Variants in ACTR3 observed in about 807,000 individuals in gnomAD.
The protein encoded by ACTR3 is actin-related protein 3.
In ACTR3, 12 loss-of-function variants were observed where a neutral mutation model predicts 56.8. The ratio of observed to expected loss-of-function variants is 0.21; its 90% CI spans 0.14 to 0.34. ACTR3 has a LOEUF of 0.34. Among genes scored for constraint, ACTR3 ranks in the 10% least tolerant of loss-of-function variants. The pLI is 1.00. For synonymous variants in ACTR3, 162 were observed against 167.4 expected (o/e 0.97, Z 0.25); for missense variants, 282 against 512.5 (o/e 0.55, Z 4.34).
intron 1 of ACTR3, chr2:113,890,538 G>T (rs1210278422): frequency 1.5e-6 from 2 of 1,376,546 alleles, no homozygotes; most frequent in South Asian, 1.6e-5. Flanking sequence ...GCGGGCCCGA[G>T]ATTCAACCCC....
chr2:113,898,801 A>G (rs1679052152), intron 1 of ACTR3, among the ~76,000 whole-genome samples: 2 of 152,202 alleles, frequency 1.3e-5, no homozygotes, highest in East Asian at 1.9e-4. Context: ...ATGTGTACCA[A>G]TCAGCCATTT....
chr2:113,959,262 A>G lies in ACTR3; in HGVS notation c.*1807A>G, dbSNP rs1173024823. The G allele has an allele frequency of 6.6e-6, 1 of 151,998 alleles. No homozygotes were observed. Among genetic ancestry groups the G allele is most frequent in the Admixed American group, 6.6e-5 (1 of 15,230 alleles). The allele number at this position is 151,998 out of a possible 1,614,324, so 9.4% of individuals were successfully genotyped here. On this transcript the variant is annotated 3_prime_UTR_variant, in exon 12 of 12. Coordinates refer to ENST00000263238, the MANE Select transcript of ACTR3 (RefSeq NM_005721.5). Reference sequence around the variant, plus strand: ...AAATGTAGCTTTCTTATTTTACACAAATAGGAACTTACTGTATATACTGTT... The same window carrying G: ...AAATGTAGCTTTCTTATTTTACACAGATAGGAACTTACTGTATATACTGTT...
At chr2:113,913,293 A>G in intron 2 of ACTR3, 66 bp downstream of exon 2, 17 of 1,211,292 alleles carry the variant, frequency 1.4e-5, no homozygotes, top group Non-Finnish European at 2.0e-5. Context: ...TAATTTAAGT[A>G]AAAGAAGTAA....
At chr2:113,917,061 T>G in intron 3 of ACTR3, 53 bp downstream of exon 3, 1 of 1,489,410 alleles carries the variant, frequency 6.7e-7, no homozygotes, top group South Asian at 1.3e-5. Flanking sequence ...GTTTGTTCGA[T>G]GCTTGTGCCC....
chr2:113,954,881 C>T (rs1404049414), intron 10 of ACTR3: 1 of 151,928 alleles, frequency 6.6e-6, no homozygotes, highest in Non-Finnish European at 1.5e-5. Flanking sequence ...GTGATTAGAG[C>T]TAGGGGTGTG....
At chr2:113,950,523 A>G (rs1680101313) in intron 8 of ACTR3, among the ~76,000 whole-genome samples, 1 of 152,190 alleles carries the variant, frequency 6.6e-6, no homozygotes. Flanking sequence ...CCATATTTTG[A>G]TTTGGGGAGT....
In ACTR3 at chr2:113,955,615, T is replaced by G; in HGVS notation, c.1078-8T>G. ...CTATGAAGATGATCATACTATGTCT[T>G]TCTTTAGCCAAAACCTATTGATGTA... is the stretch of plus-strand genomic sequence containing the variant. On this transcript the variant is annotated splice_polypyrimidine_tract_variant and splice_region_variant and intron_variant, in intron 10 of 11. Coordinates refer to ENST00000263238, the MANE Select transcript of ACTR3 (RefSeq NM_005721.5). 1 of 1,605,048 alleles carries G rather than the reference T, an allele frequency of 6.2e-7. No individual in the cohort carries two copies. Among genetic ancestry groups the G allele is most frequent in the Non-Finnish European group, 8.5e-7 (1 of 1,173,790 alleles).
intron 3 of ACTR3, among the ~76,000 whole-genome samples, chr2:113,923,858 G>A (rs1301134260): frequency 6.6e-6 from 1 of 151,046 alleles, no homozygotes; most frequent in Non-Finnish European, 1.5e-5. Context: ...TCTACTTTCA[G>A]TTCCTTGACT....
At chr2:113,911,294 G>GT (rs60682563) in intron 1 of ACTR3, among the ~76,000 whole-genome samples, 8,537 of 142,988 alleles carry the variant, frequency 0.06, 538 homozygotes, top group African/African-American at 0.17. Flanking sequence ...TTTGTTTTTC[G>GT]TTTTTTTTTT....
chr2:113,904,481 T>C (rs1396524687), intron 1 of ACTR3: 3 of 152,248 alleles, frequency 2.0e-5, no homozygotes, highest in Non-Finnish European at 4.4e-5. Flanking sequence ...TATAACACTC[T>C]TGTTTATTCG....
intron 3 of ACTR3, 130 bp downstream of exon 3, chr2:113,917,138 T>G: frequency 5.5e-6 from 4 of 725,948 alleles, no homozygotes; most frequent in Non-Finnish European, 7.8e-6. Context: ...AAATTTCTTT[T>G]TCCCTATGGC....
chr2:113,894,129 G>A (rs547488015), intron 1 of ACTR3, among the ~76,000 whole-genome samples: 12 of 150,208 alleles, frequency 8.0e-5, no homozygotes, highest in African/African-American at 2.9e-4. Flanking sequence ...TGCTCTCATC[G>A]CCCAGGCTGG....
At chr2:113,917,932 TA>T (rs1449153671) in intron 3 of ACTR3, among the ~76,000 whole-genome samples, 1 of 151,960 alleles carries the variant, frequency 6.6e-6, no homozygotes, top group African/African-American at 2.4e-5. Context: ...CCTCGAGGAG[TA>T]AATCTTTAAG....
chr2:113,950,425 G>A (rs886327171), intron 8 of ACTR3, among the ~76,000 whole-genome samples: 1 of 152,210 alleles, frequency 6.6e-6, no homozygotes, highest in East Asian at 1.9e-4. Flanking sequence ...CTAGATAGCA[G>A]AGTATCATCT....
intron 4 of ACTR3, 26 bp downstream of exon 4, chr2:113,927,481 G>A: frequency 6.7e-7 from 1 of 1,498,162 alleles, no homozygotes; most frequent in Admixed American, 2.0e-5. Flanking sequence ...TAATTTCACT[G>A]AGGAAATTTT....
At chr2:113,954,598 A>G (rs532694083) in intron 10 of ACTR3, 2 of 144,038 alleles carry the variant, frequency 1.4e-5, no homozygotes, top group African/African-American at 5.2e-5. Flanking sequence ...TTTTTTTCAG[A>G]TTTGACCAGT....
chr2:113,893,585 CCCAG>C (rs1378654853), intron 1 of ACTR3, among the ~76,000 whole-genome samples: 2 of 152,172 alleles, frequency 1.3e-5, no homozygotes, highest in African/African-American at 2.4e-5. Flanking sequence ...AGCCACCGCG[CCCAG>C]CCTTAAAGGT....
intron 3 of ACTR3, among the ~76,000 whole-genome samples, chr2:113,921,414 T>C (rs901636006): frequency 6.6e-6 from 1 of 152,042 alleles, no homozygotes; most frequent in Non-Finnish European, 1.5e-5. Context: ...TTTTGACCCA[T>C]TCCATAACTT....
At chr2:113,911,419 C>CTT (rs34495665) in intron 1 of ACTR3, among the ~76,000 whole-genome samples, 6,171 of 117,782 alleles carry the variant, frequency 0.052, 599 homozygotes, top group East Asian at 0.25. Flanking sequence ...ATTTGGCACA[C>CTT]TTTTTTTTTT....
Sources: gnomAD v4.1 joint callset for allele counts (sites outside exome capture counted in the v4.1 genomes callset) on GRCh38, gnomAD v4.1.1 for gene constraint, MANE v1.5 for transcripts, NCBI Gene and HGNC (gene_info 2026-07-23, HGNC 2026-07-21) for gene names.